FCSK: variants seen among roughly 807,000 people sequenced by gnomAD.
The protein encoded by FCSK is fucose kinase.
A neutral mutation model predicts 122.5 loss-of-function variants in FCSK; 123 were observed. The observed-to-expected ratio is 1.00, with a 90% CI of 0.87 to 1.17. The LOEUF is 1.17. Among genes scored for constraint, FCSK ranks in the 50% most tolerant of loss-of-function variants. The pLI is 0.00. For synonymous variants in FCSK, 620 were observed against 625.5 expected (o/e 0.99, Z 0.13); for missense variants, 1,366 against 1,450.4 (o/e 0.94, Z 0.95).
chr16:70,469,489 G>A (rs1158716131), intron 10 of FCSK, among the ~76,000 whole-genome samples, 166 bp downstream of exon 10: 1 of 152,080 alleles, frequency 6.6e-6, no homozygotes, highest in Admixed American at 6.6e-5. Flanking sequence ...TCCCCTTCTT[G>A]TCTTCCTTTT....
chr16:70,466,206 G>T lies in FCSK; in HGVS notation c.360G>T (p.Val120=). The change falls in exon 5 of 24, where the codon GTG becomes GTT. Residue 120 remains valine, a synonymous_variant. Coordinates refer to ENST00000288078, the MANE Select transcript of FCSK (RefSeq NM_145059.3). ...CLPVENPEAP[V]EALVCNLDCL... ...CCGTGGAGAACCCCGAGGCCCCCGT[G>T]GAAGCCTTGGTCTGCAACCTGGACT... 1.2e-6 allele frequency: 2 copies of T among 1,613,940 alleles called. No individual in the cohort carries two copies. Among genetic ancestry groups the T allele is most frequent in the Non-Finnish European group, 1.7e-6 (2 of 1,179,918 alleles).
At chr16:70,472,377 A>T in intron 13 of FCSK, 164 bp from the exon 14 acceptor site, 1 of 544,162 alleles carries the variant, frequency 1.8e-6, no homozygotes, top group Non-Finnish European at 3.3e-6. Flanking sequence ...ACCTGCAGTG[A>T]GCTGACCACA....
rs1400449965 is a variant in FCSK, at chr16:70,472,604, C to T, written c.1405C>T (p.Arg469Ter). 3.1e-6 allele frequency: 5 copies of T among 1,611,802 alleles called. No individual in the cohort carries two copies. The highest frequency in any genetic ancestry group is 4.2e-6 in the Non-Finnish European group (5 of 1,178,634). Residue 469 changes from arginine to a stop codon, truncating the protein, a stop_gained and splice_region_variant, in exon 14 of 24, where the codon CGA (arginine) becomes TGA (stop). Coordinates refer to ENST00000288078, the MANE Select transcript of FCSK (RefSeq NM_145059.3). LOFTEE classifies it high-confidence loss of function. The stretch of plus-strand genomic sequence containing the variant: ...TGAATTCTTCAAGAGGACAGGTGTT[C>T]GGTAAGGTGGACACCCCTAGGGCCT... ...WSEFFKRTGV[R>*]AWDLWDPETL...
At chr16:70,464,849 G>C (rs1248247502) in intron 3 of FCSK, among the ~76,000 whole-genome samples, 2 of 152,136 alleles carry the variant, frequency 1.3e-5, no homozygotes, top group African/African-American at 4.8e-5. Flanking sequence ...CTGCACTCCA[G>C]ACTGGGTGAC....
rs2048534780 is a variant in FCSK, at chr16:70,469,314, CTT to C, written c.947_948del (p.Leu316HisfsTer19). ...GTGGAGGGAGCTTCGCGATCAGCCC[CTT>C]ACCATGGGTGGGTACTGCCTCTCAG... Reference protein sequence around the residue: ...QLWRELRDQPLTMAYVSSGSY... With the variant: ...QLWRELRDQPXTMAYVSSGSY... On this transcript the variant is annotated frameshift_variant, in exon 10 of 24. Coordinates refer to ENST00000288078, the MANE Select transcript of FCSK (RefSeq NM_145059.3). LOFTEE classifies it high-confidence loss of function. The C allele has an allele frequency of 6.3e-7, 1 of 1,598,146 alleles. No homozygotes were observed. Among genetic ancestry groups the C allele is most frequent in the Non-Finnish European group, 8.5e-7 (1 of 1,173,814 alleles).
chr16:70,477,214 G>A (rs553638730), intron 20 of FCSK: 1 of 152,262 alleles, frequency 6.6e-6, no homozygotes, highest in Admixed American at 6.5e-5. Context: ...ATGGAGTCTA[G>A]CTCTGTCACC....
rs370125817 is a variant in FCSK, at chr16:70,471,204, G to C, written c.1193G>C (p.Gly398Ala). The C allele has an allele frequency of 6.2e-6, 10 of 1,607,168 alleles. No homozygotes were observed. The highest frequency in any genetic ancestry group is 6.8e-6 in the Non-Finnish European group (8 of 1,176,440). ...CAGGGCCCCATTCACATAGGCGCTG[G>C]CTGCTTGGTGACTGGCCTGGATACA... ...HLQGPIHIGAGCLVTGLDTAH... is the reference protein window; with the variant it reads ...HLQGPIHIGAACLVTGLDTAH... Residue 398 changes from glycine (G) to alanine (A), a missense_variant, in exon 13 of 24, where the codon GGC (glycine) becomes GCC (alanine). Gly to Ala is a moderately conservative substitution (Grantham distance 60). Transcript: ENST00000288078.
intron 10 of FCSK, 78 bp from the exon 11 acceptor site, chr16:70,470,232 ATGTG>A: frequency 1.1e-6 from 1 of 894,958 alleles, no homozygotes; most frequent in Non-Finnish European, 1.8e-6. Context: ...ACCTGCCCCC[ATGTG>A]TCTCTGCTGC....
Position 70,471,033 on chromosome 16 carries a change from G to A in FCSK, c.1131G>A (p.Gln377=). 1 of 1,603,188 alleles carries A rather than the reference G, an allele frequency of 6.2e-7. No homozygotes were observed. The change falls in exon 12 of 24, where the codon CAG becomes CAA. Residue 377 remains glutamine (Q), a synonymous_variant. Coordinates refer to ENST00000288078, the MANE Select transcript of FCSK (RefSeq NM_145059.3). ...VVSCLLEGPV[Q]LGPGSVLQHC... is the part of the protein sequence containing the mutation. ...GCTGCCTGCTGGAGGGCCCTGTCCA[G>A]CTGGGTCCTGGGAGCGTCCTGCAGC...
chr16:70,473,373 G>A lies in FCSK; in HGVS notation c.1777+20G>A, dbSNP rs779968420. On this transcript the variant is annotated intron_variant, in intron 15 of 23. Transcript: ENST00000288078. The surrounding 1 kb of genome is among the most constrained non-coding windows in gnomAD (Gnocchi z 4.9). The stretch of plus-strand genomic sequence containing the variant: ...ACCAGGGTGAGTGTGCAGGCTGGTA[G>A]TGCTGCAGAATCAGGCCAGGGGCAC... 20 of 1,473,170 alleles carry A rather than the reference G, an allele frequency of 1.4e-5. No homozygotes were observed. Among genetic ancestry groups the A allele is most frequent in the Non-Finnish European group, 1.7e-5 (19 of 1,106,928 alleles). 91.3% of individuals were successfully genotyped at this position (1,473,170 alleles called of 1,614,324 possible). A position where few individuals can be genotyped will look rare whatever the true frequency, so the allele number is the denominator to read the frequency against.
Position 70,469,291 on chromosome 16 carries a change from G to T in FCSK, c.923G>T (p.Trp308Leu), listed in dbSNP as rs2048533409. The T allele has an allele frequency of 6.2e-7, 1 of 1,610,336 alleles. No homozygotes were observed. The change falls in exon 10 of 24, where the codon TGG becomes TTG. Residue 308 changes from tryptophan to leucine, a missense_variant. Transcript: ENST00000288078. ...CTGCAGAGCGCCCGGGCCCAGCTGTGGAGGGAGCTTCGCGATCAGCCCCTT... is the reference window on the plus strand; with the variant it reads ...CTGCAGAGCGCCCGGGCCCAGCTGTTGAGGGAGCTTCGCGATCAGCCCCTT... ...GYLQSARAQL[W>L]RELRDQPLTM...
chr16:70,465,144 C>T lies in FCSK; in HGVS notation c.253C>T (p.Leu85=). The change falls in exon 4 of 24, where the codon CTG becomes TTG. Residue 85 remains leucine, a synonymous_variant. Transcript: ENST00000288078. ...AGFTVVTSDV[L]HSAWILILHM... is the part of the protein sequence containing the mutation. The stretch of plus-strand genomic sequence containing the variant: ...CCTGCAGGTGGTCACATCCGATGTC[C>T]TGCACTCGGCCTGGATCCTCATTCT... 1 of 1,613,744 alleles carries T rather than the reference C, an allele frequency of 6.2e-7. No individual in the cohort carries two copies. The highest frequency in any genetic ancestry group is 1.1e-5 in the South Asian group (1 of 90,992).
In FCSK at chr16:70,478,654, AGGGGCTTCCTCTGG is replaced by A; in HGVS notation, c.2929+9_2929+22del. The A allele has an allele frequency of 6.2e-7, 1 of 1,612,614 alleles. No homozygotes were observed. Among genetic ancestry groups the A allele is most frequent in the African/African-American group, 1.3e-5 (1 of 75,002 alleles). ...TGTGCTGAAGGCTTCCGCCAAGGTGAGGGGCTTCCTCTGGGGGGGTCAGGGCACTGGGAGCGAGT... is the reference window on the plus strand; with the variant it reads ...TGTGCTGAAGGCTTCCGCCAAGGTGAGGGGGTCAGGGCACTGGGAGCGAGT... On this transcript the variant is annotated splice_donor_5th_base_variant and intron_variant, in intron 22 of 23. Transcript: ENST00000288078.
intron 3 of FCSK, among the ~76,000 whole-genome samples, chr16:70,464,290 A>T (rs1458766755): frequency 6.6e-6 from 1 of 152,162 alleles, no homozygotes; most frequent in African/African-American, 2.4e-5. Flanking sequence ...TGTAGCTGCC[A>T]TGGCGCTGAC....
intron 1 of FCSK, chr16:70,462,109 A>C (rs752589876): frequency 6.6e-6 from 1 of 152,266 alleles, no homozygotes; most frequent in Non-Finnish European, 1.5e-5. Context: ...TGGATGAAAG[A>C]AGCTAATCTC....
chr16:70,470,592 C>G (rs1016909378), intron 11 of FCSK, among the ~76,000 whole-genome samples, 166 bp downstream of exon 11: 2 of 152,218 alleles, frequency 1.3e-5, no homozygotes, highest in Non-Finnish European at 2.9e-5. Context: ...AGTAACTTGC[C>G]TAAGGCCACA....
intron 4 of FCSK, among the ~76,000 whole-genome samples, 197 bp from the exon 5 acceptor site, chr16:70,465,935 A>G (rs2048404645): frequency 6.6e-6 from 1 of 152,256 alleles, no homozygotes; most frequent in Non-Finnish European, 1.5e-5. Context: ...CCTGGGCAAC[A>G]GAGCAAGACT....
At chr16:70,455,116 C>T (rs2048049243) in intron 1 of FCSK, among the ~76,000 whole-genome samples, 1 of 152,340 alleles carries the variant, frequency 6.6e-6, no homozygotes, top group African/African-American at 2.4e-5. Context: ...TAGAAGGCAG[C>T]AAGTCAGAGT....
chr16:70,465,868 G>T (rs549879441), intron 4 of FCSK, among the ~76,000 whole-genome samples: 8 of 152,266 alleles, frequency 5.3e-5, no homozygotes, highest in Admixed American at 5.2e-4. Flanking sequence ...CATGAGAATT[G>T]CTTGAACCCA....
Sources: allele counts gnomAD v4.1 joint callset (sites outside exome capture counted in the v4.1 genomes callset), GRCh38; gene constraint gnomAD v4.1.1; non-coding constraint Gnocchi (gnomAD v3.1); transcripts MANE v1.5; gene names NCBI Gene and HGNC (gene_info 2026-07-23, HGNC 2026-07-21).